ROR2: variants seen among roughly 807,000 people sequenced by gnomAD.
ROR2 encodes tyrosine-protein kinase transmembrane receptor ROR2.
ROR2 carries 33 observed loss-of-function variants against 74.9 expected under a neutral mutation model. The observed-to-expected ratio is 0.44, with a 90% CI of 0.33 to 0.59. ROR2 has a LOEUF of 0.59. ROR2 is among the 20% of genes least tolerant of loss of function. ROR2 has a pLI of 0.02. For synonymous variants in ROR2, 586 were observed against 558.7 expected (o/e 1.05, Z -0.69); for missense variants, 1,216 against 1,313.8 (o/e 0.93, Z 1.15).
chr9:91,943,404 A>T (rs1336437492), intron 1 of ROR2, among the ~76,000 whole-genome samples: 1 of 151,956 alleles, frequency 6.6e-6, no homozygotes, highest in African/African-American at 2.4e-5. Flanking sequence ...TATATATATA[A>T]ATGAAAGCAT....
At chr9:91,933,861 A>G (rs1004837403) in intron 1 of ROR2, among the ~76,000 whole-genome samples, 40 of 152,264 alleles carry the variant, frequency 2.6e-4, no homozygotes, top group African/African-American at 8.7e-4. Context: ...GGAAATGGGG[A>G]GTGATGGTTA....
At chr9:91,935,894 A>G (rs1021879782) in intron 1 of ROR2, among the ~76,000 whole-genome samples, 1 of 152,270 alleles carries the variant, frequency 6.6e-6, no homozygotes, top group African/African-American at 2.4e-5. Context: ...GACAGGATGC[A>G]CAGAGGTGCC....
rs184062593 is a variant in ROR2 at position 91,798,545 on chromosome 9, C to A, written c.98-22727G>T. 1.1e-3 allele frequency among the ~76,000 whole-genome samples: 140 copies of A among 132,654 alleles called. 4 individuals are homozygous for A. Among genetic ancestry groups the A allele is most frequent in the African/African-American group, 4.0e-3 (130 of 32,504 alleles). 87.0% of individuals were successfully genotyped at this position (132,654 alleles called of 152,430 possible). A position where few individuals can be genotyped will look rare whatever the true frequency, so the allele number is the denominator to read the frequency against. ...GGCTCTGTGGGTGGGGAATGACACC[C>A]TGGGATCTGTGGGTGCAGCTGACGC... On this transcript the variant is annotated intron_variant, in intron 1 of 8. Transcript: ENST00000375708.
chr9:91,856,891 T>C (rs566037661), intron 1 of ROR2, among the ~76,000 whole-genome samples: 1 of 152,208 alleles, frequency 6.6e-6, no homozygotes. Context: ...ATGCCAGGGG[T>C]ATTATTTTAA....
intron 1 of ROR2, among the ~76,000 whole-genome samples, chr9:91,839,251 GGTGTGTGTGTGTGT>G (rs56134220): frequency 4.6e-4 from 50 of 107,802 alleles, no homozygotes; most frequent in Middle Eastern, 4.6e-3. Context: ...TCAGATCGGG[GGTGTGTGTGTGTGT>G]GTGTGTGTGT....
chr9:91,742,214 G>A (rs574576358), intron 4 of ROR2, among the ~76,000 whole-genome samples: 22 of 152,188 alleles, frequency 1.4e-4, no homozygotes, highest in Non-Finnish European at 2.9e-4. Context: ...CAGACCTCGT[G>A]AGACTTACTG....
chr9:91,762,230 A>G (rs1029164122), intron 2 of ROR2, among the ~76,000 whole-genome samples: 2 of 152,184 alleles, frequency 1.3e-5, no homozygotes, highest in African/African-American at 4.8e-5. Flanking sequence ...CACTGGGCCT[A>G]CCCGGATAAG....
At chr9:91,847,395 C>G (rs1200229651) in intron 1 of ROR2, among the ~76,000 whole-genome samples, 1 of 152,168 alleles carries the variant, frequency 6.6e-6, no homozygotes, top group African/African-American at 2.4e-5. Flanking sequence ...CCAGGTCCCT[C>G]GACGCCCCCT....
In ROR2 at chr9:91,723,411, T is replaced by A. The variant is rs1394022830; in HGVS notation, c.*251A>T. 4 of 568,436 alleles carry A rather than the reference T, an allele frequency of 7.0e-6. No homozygotes were observed. The highest frequency in any genetic ancestry group is 1.3e-5 in the Non-Finnish European group (4 of 319,460). The allele number at this position is 568,436 out of a possible 1,614,324, so 35.2% of individuals were successfully genotyped here. On this transcript the variant is annotated 3_prime_UTR_variant, in exon 9 of 9. Transcript: ENST00000375708. ...GAATCAATGTATACAGCCCTGGGGA[T>A]GACCATGTGTCCTGCTCCCCAGGAC...
intron 1 of ROR2, among the ~76,000 whole-genome samples, chr9:91,847,321 T>C (rs1448965502): frequency 1.3e-5 from 2 of 152,120 alleles, no homozygotes; most frequent in Non-Finnish European, 2.9e-5. Flanking sequence ...CCTGGACCCC[T>C]CATTAGGCCT....
intron 1 of ROR2, among the ~76,000 whole-genome samples, chr9:91,799,382 G>A (rs529186760): frequency 3.9e-5 from 6 of 152,176 alleles, no homozygotes; most frequent in African/African-American, 7.2e-5. Flanking sequence ...GGACAGTGCC[G>A]AGACGGGGGC....
chr9:91,787,525 ATCTT>A (rs1826840548), intron 1 of ROR2, among the ~76,000 whole-genome samples: 1 of 152,036 alleles, frequency 6.6e-6, no homozygotes, highest in Admixed American at 6.5e-5. Flanking sequence ...AATAAATAAA[ATCTT>A]TCTTTTTATT....
intron 1 of ROR2, among the ~76,000 whole-genome samples, chr9:91,831,754 G>C (rs535283417): frequency 6.6e-6 from 1 of 152,282 alleles, no homozygotes; most frequent in East Asian, 1.9e-4. Context: ...GGCGGAGCTT[G>C]CAGTGAGCTG....
At chr9:91,875,609 G>A (rs2119347119) in intron 1 of ROR2, among the ~76,000 whole-genome samples, 1 of 152,260 alleles carries the variant, frequency 6.6e-6, no homozygotes, top group South Asian at 2.1e-4. Context: ...AAGGTCACAA[G>A]ACGTGCCAAG....
intron 1 of ROR2, among the ~76,000 whole-genome samples, chr9:91,926,919 T>C (rs138128520): frequency 6.6e-6 from 1 of 152,078 alleles, no homozygotes; most frequent in South Asian, 2.1e-4. Context: ...TGGATGGTAG[T>C]GAGGTGGTGA....
At chr9:91,935,336 T>G (rs1055968229) in intron 1 of ROR2, among the ~76,000 whole-genome samples, 3 of 152,234 alleles carry the variant, frequency 2.0e-5, no homozygotes, top group Non-Finnish European at 4.4e-5. Flanking sequence ...CCTCTTTTTC[T>G]GTCCACTGCT....
chr9:91,895,418 T>C (rs141029648), intron 1 of ROR2, among the ~76,000 whole-genome samples: 2,565 of 152,268 alleles, frequency 0.017, 78 homozygotes, highest in African/African-American at 0.059. Flanking sequence ...GTGATAATGA[T>C]ATATCAATAT....
At position 91,775,793 on chromosome 9, in the gene ROR2, G is replaced by T. The variant is rs145651314; in HGVS notation, c.123C>A (p.Asn41Lys). Residue 41 changes from asparagine (N) to lysine (K), a missense_variant, in exon 2 of 9, where the codon AAC (asparagine) becomes AAA (lysine). Asn to Lys is a moderately conservative substitution (Grantham distance 94). Transcript: ENST00000375708. ...GCCCATCAAGGGGTCCTAAAGGGTC[G>T]TTCGGATCCAGAACCTCCACTTCAC... ...TSGEVEVLDP[N>K]DPLGPLDGQD... The T allele has an allele frequency of 6.2e-7, 1 of 1,614,188 alleles. No homozygotes were observed. The highest frequency in any genetic ancestry group is 8.5e-7 in the Non-Finnish European group (1 of 1,180,030).
At chr9:91,788,502 C>T (rs764487732) in intron 1 of ROR2, among the ~76,000 whole-genome samples, 3 of 151,446 alleles carry the variant, frequency 2.0e-5, no homozygotes, top group Non-Finnish European at 4.4e-5. Context: ...GCTGGCTTCT[C>T]ATCAGAACCC....
Sources: allele counts gnomAD v4.1 joint callset (sites outside exome capture counted in the v4.1 genomes callset), GRCh38; gene constraint gnomAD v4.1.1; transcripts MANE v1.5; gene names NCBI Gene and HGNC (gene_info 2026-07-23, HGNC 2026-07-21).